The following SPATA6 variants were observed in gnomAD, a reference collection of about 807,000 sequenced individuals.
SPATA6 encodes the protein spermatogenesis-associated protein 6.
In SPATA6, 56 loss-of-function variants were observed where a neutral mutation model predicts 65.3. The observed-to-expected ratio is 0.86, with a 90% CI of 0.69 to 1.07. SPATA6 has a LOEUF of 1.07. Ranked by LOEUF, SPATA6 falls within the 50% of genes least tolerant of loss-of-function variation. SPATA6 has a pLI of 0.00. For synonymous variants in SPATA6, 199 were observed against 213.2 expected (o/e 0.93, Z 0.58); for missense variants, 590 against 594.8 (o/e 0.99, Z 0.08).
intron 11 of SPATA6, among the ~76,000 whole-genome samples, chr1:48,342,664 AAAAC>A (rs964607768): frequency 1.3e-4 from 20 of 152,048 alleles, no homozygotes; most frequent in Admixed American, 7.9e-4. Context: ...AAAACATTCA[AAAAC>A]AAACAAATTT....
intron 11 of SPATA6, among the ~76,000 whole-genome samples, chr1:48,342,355 A>G (rs149424789): frequency 1.0e-3 from 158 of 152,294 alleles, no homozygotes; most frequent in African/African-American, 3.7e-3. Flanking sequence ...ATCAGATACA[A>G]AAGAATAAAT....
chr1:48,351,479 T>G (rs1263847289), intron 11 of SPATA6, among the ~76,000 whole-genome samples: 1 of 152,068 alleles, frequency 6.6e-6, no homozygotes, highest in Non-Finnish European at 1.5e-5. Context: ...GAAGTTCACT[T>G]CTACTCCCAC....
intron 3 of SPATA6, among the ~76,000 whole-genome samples, chr1:48,418,035 C>A (rs1463683119): frequency 1.3e-5 from 2 of 152,006 alleles, no homozygotes; most frequent in Non-Finnish European, 2.9e-5. Context: ...AATGGATGTT[C>A]TTTTAAACAA....
At position 48,341,277 on chromosome 1, in the gene SPATA6, T is replaced by A. The variant is rs544533041; in HGVS notation, c.1194+14393A>T. ...CCCTAATCATCAGTTCCACTTCCCATGGTTTCAATAATCTGTGGTCAACAG... is the reference window on the plus strand; with the variant it reads ...CCCTAATCATCAGTTCCACTTCCCAAGGTTTCAATAATCTGTGGTCAACAG... On this transcript the variant is annotated intron_variant, in intron 11 of 12. Transcript: ENST00000371847. Among the ~76,000 whole-genome samples the A allele has an allele frequency of 2.6e-5, 4 of 152,272 alleles. No homozygotes were observed. The South Asian group carries it at 8.3e-4, about 32-fold the overall frequency.
intron 8 of SPATA6, 106 bp downstream of exon 8, chr1:48,395,161 T>C: frequency 6.5e-6 from 5 of 771,284 alleles, no homozygotes; most frequent in Non-Finnish European, 9.6e-6. Context: ...TACAATATTA[T>C]CCAATAATGT....
the SPATA6 span, among the ~76,000 whole-genome samples, chr1:48,285,170 T>TGCCTAGCTGCGGTGGGC: frequency 1.3e-5 from 2 of 152,180 alleles, no homozygotes; most frequent in Admixed American, 1.3e-4. Context: ...TACAGCAGTT[T>TGCCTAGCTGCGGTGGGC]GCCTAGCTGC....
chr1:48,373,739 G>A (rs1323928629), intron 9 of SPATA6, among the ~76,000 whole-genome samples: 1 of 152,172 alleles, frequency 6.6e-6, no homozygotes, highest in Non-Finnish European at 1.5e-5. Context: ...TTACATGGCG[G>A]CAGCAAGAGA....
At chr1:48,395,171 T>A in intron 8 of SPATA6, 96 bp downstream of exon 8, 2 of 897,068 alleles carry the variant, frequency 2.2e-6, no homozygotes, top group South Asian at 5.0e-5. Context: ...TCCAATAATG[T>A]AACAAAGATT....
At chr1:48,280,135 G>A in the SPATA6 span, among the ~76,000 whole-genome samples, 2 of 151,988 alleles carry the variant, frequency 1.3e-5, no homozygotes, top group East Asian at 1.9e-4. Context: ...TGAAACCAAC[G>A]AGAACAAAGA....
At chr1:48,451,520 A>G in intron 3 of SPATA6, 32 bp downstream of exon 3, 1 of 1,587,214 alleles carries the variant, frequency 6.3e-7, no homozygotes, top group Non-Finnish European at 8.6e-7. Flanking sequence ...AAAATGTCTT[A>G]GAATCAGGAA....
intron 3 of SPATA6, among the ~76,000 whole-genome samples, chr1:48,445,659 CAAAAAAAAAAAAAAAA>C (rs10632587): frequency 4.7e-4 from 24 of 51,286 alleles, no homozygotes; most frequent in Non-Finnish European, 6.1e-4. Flanking sequence ...GACTCTGTCT[CAAAAAAAAAAAAAAAA>C]AAAAAAAAAA....
chr1:48,417,809 C>T (rs1034400330), intron 3 of SPATA6, among the ~76,000 whole-genome samples: 1 of 151,972 alleles, frequency 6.6e-6, no homozygotes, highest in African/African-American at 2.4e-5. Context: ...GGGCAACAGA[C>T]AGAGCGAGAC....
chr1:48,375,783 T>C (rs1402297003), intron 9 of SPATA6, among the ~76,000 whole-genome samples: 1 of 152,178 alleles, frequency 6.6e-6, no homozygotes, highest in East Asian at 1.9e-4. Flanking sequence ...ACTAGAACTT[T>C]AAATTATACA....
At chr1:48,436,055 A>C in intron 3 of SPATA6, 1 of 1,609,158 alleles carries the variant, frequency 6.2e-7, no homozygotes, top group African/African-American at 1.3e-5. Flanking sequence ...ATCCATCAAT[A>C]CTTGGTTGAT....
chr1:48,287,439 T>C, the SPATA6 span, among the ~76,000 whole-genome samples: 1 of 152,230 alleles, frequency 6.6e-6, no homozygotes, highest in Non-Finnish European at 1.5e-5. Flanking sequence ...CCAAATCTCA[T>C]GTTGAAATGT....
Position 48,297,167 on chromosome 1 carries a change from T to C in SPATA6, c.*1546A>G, listed in dbSNP as rs1392416124. The C allele has an allele frequency of 2.0e-5, 3 of 151,536 alleles. No homozygotes were observed. Among genetic ancestry groups the C allele is most frequent in the Admixed American group, 2.0e-4 (3 of 15,198 alleles). 9.4% of individuals were successfully genotyped at this position (151,536 alleles called of 1,614,324 possible). A position where few individuals can be genotyped will look rare whatever the true frequency, so the allele number is the denominator to read the frequency against. On this transcript the variant is annotated 3_prime_UTR_variant, in exon 13 of 13. Transcript: ENST00000371847. ...GTGTGTGTGTGTGTGTGTGTGTATG[T>C]GTGTAGCAAACAGATTTTCCTAAAC...
chr1:48,459,980 T>A (rs1657305947), intron 1 of SPATA6, among the ~76,000 whole-genome samples: 1 of 152,202 alleles, frequency 6.6e-6, no homozygotes, highest in South Asian at 2.1e-4. Context: ...TAAGTCATTT[T>A]TTTTTTAAGA....
At chr1:48,412,618 T>G (rs145066960) in intron 4 of SPATA6, among the ~76,000 whole-genome samples, 2 of 152,160 alleles carry the variant, frequency 1.3e-5, no homozygotes, top group African/African-American at 4.8e-5. Flanking sequence ...AAGAGGAGGA[T>G]AGATGAGATT....
intron 11 of SPATA6, among the ~76,000 whole-genome samples, chr1:48,313,057 T>C (rs1284859741): frequency 6.6e-6 from 1 of 152,144 alleles, no homozygotes; most frequent in Non-Finnish European, 1.5e-5. Flanking sequence ...AAAGACCAAA[T>C]CTGTGTCTGA....
Sources: allele counts gnomAD v4.1 joint callset (sites outside exome capture counted in the v4.1 genomes callset), GRCh38; gene constraint gnomAD v4.1.1; transcripts MANE v1.5; gene names NCBI Gene and HGNC (gene_info 2026-07-23, HGNC 2026-07-21).